The following NMI variants were observed in gnomAD, a reference collection of about 807,000 sequenced individuals.
The protein encoded by NMI is N-myc-interactor.
A neutral mutation model predicts 34.3 loss-of-function variants in NMI; 39 were observed. The ratio of observed to expected loss-of-function variants is 1.14; its 90% CI spans 0.88 to 1.49. NMI has a LOEUF of 1.49. NMI is among the 40% of genes most tolerant of loss of function. NMI has a pLI of 0.00. For synonymous variants in NMI, 113 were observed against 120.3 expected (o/e 0.94, Z 0.40); for missense variants, 339 against 358.1 (o/e 0.95, Z 0.43).
intron 1 of NMI, among the ~76,000 whole-genome samples, chr2:151,284,815 G>A (rs1683466911): frequency 1.3e-5 from 2 of 152,026 alleles, no homozygotes; most frequent in African/African-American, 2.4e-5. Flanking sequence ...ATTTCAAGTG[G>A]CTAAATTCTC....
Position 151,270,687 on chromosome 2 carries a change from T to C in NMI, c.*6A>G. 1.2e-6 allele frequency: 2 copies of C among 1,604,158 alleles called. No homozygotes were observed. The highest frequency in any genetic ancestry group is 1.7e-6 in the Non-Finnish European group (2 of 1,174,026). ...AAAAGCTATAGTTTTCATGATTCTG[T>C]TAAGTCTATTCTTCAAAGTATGCTA... On this transcript the variant is annotated 3_prime_UTR_variant, in exon 8 of 8. Transcript: ENST00000243346.
intron 4 of NMI, chr2:151,277,661 C>T (rs918968522): frequency 1.3e-5 from 2 of 152,180 alleles, no homozygotes; most frequent in African/African-American, 2.4e-5. Context: ...CCTCTTCTAC[C>T]TGTAGCAGTA....
chr2:151,285,520 A>C (rs936379679), intron 1 of NMI, among the ~76,000 whole-genome samples: 3 of 151,306 alleles, frequency 2.0e-5, no homozygotes, highest in African/African-American at 7.3e-5. Flanking sequence ...GCCGGGAGGC[A>C]GAGGTTGCAG....
At chr2:151,274,480 TTTTG>T (rs1015454499) in intron 6 of NMI, among the ~76,000 whole-genome samples, 5 of 133,586 alleles carry the variant, frequency 3.7e-5, no homozygotes, top group East Asian at 2.1e-4. Flanking sequence ...AAATGTCTCT[TTTTG>T]TTTTTTTTTG....
intron 3 of NMI, among the ~76,000 whole-genome samples, chr2:151,280,513 A>T (rs1047214172): frequency 6.6e-6 from 1 of 152,240 alleles, no homozygotes; most frequent in African/African-American, 2.4e-5. Flanking sequence ...AATAATGCAG[A>T]AATACCCAGT....
chr2:151,279,138 T>C, intron 3 of NMI, 148 bp from the exon 4 acceptor site: 1 of 581,158 alleles, frequency 1.7e-6, no homozygotes, highest in South Asian at 2.3e-5. Flanking sequence ...TTTAACATTT[T>C]TAGTAATTGC....
chr2:151,286,653 G>C (rs1197174290), intron 1 of NMI, among the ~76,000 whole-genome samples: 4 of 152,122 alleles, frequency 2.6e-5, no homozygotes, highest in Admixed American at 2.6e-4. Context: ...TTTTAATTCT[G>C]AATTCATATC....
chr2:151,270,530 G>GA lies in NMI; in HGVS notation c.*162dup. On this transcript the variant is annotated 3_prime_UTR_variant, in exon 8 of 8. Transcript: ENST00000243346. ...TAGTTGAAAACATGCAGCACCATTT[G>GA]AAACAAAGAAGATTCAGAAACATGG... 1 of 623,734 alleles carries GA rather than the reference G, an allele frequency of 1.6e-6. No homozygotes were observed. The highest frequency in any genetic ancestry group is 3.2e-5 in the Admixed American group (1 of 31,518). The allele number at this position is 623,734 out of a possible 1,614,324, so 38.6% of individuals were successfully genotyped here. A position where few individuals can be genotyped will look rare whatever the true frequency, so the allele number is the denominator to read the frequency against.
chr2:151,270,666 G>A lies in NMI; in HGVS notation c.*27C>T, dbSNP rs1197593856. 6.4e-7 allele frequency: 1 copy of A among 1,554,242 alleles called. No homozygotes were observed. The highest frequency in any genetic ancestry group is 8.8e-7 in the Non-Finnish European group (1 of 1,142,192). On this transcript the variant is annotated 3_prime_UTR_variant, in exon 8 of 8. Coordinates refer to ENST00000243346, the MANE Select transcript of NMI (RefSeq NM_004688.3). ...CATTTACAGTAATCCGGGTTAAAAA[G>A]CTATAGTTTTCATGATTCTGTTAAG...
intron 3 of NMI, among the ~76,000 whole-genome samples, chr2:151,279,485 T>G (rs1683350106): frequency 6.6e-6 from 1 of 152,140 alleles, no homozygotes; most frequent in African/African-American, 2.4e-5. Flanking sequence ...ATTTATTTAT[T>G]TATTTATTTT....
intron 7 of NMI, 141 bp downstream of exon 7, chr2:151,271,485 C>A: frequency 3.1e-6 from 2 of 644,322 alleles, no homozygotes; most frequent in East Asian, 5.8e-5. Context: ...CATTTTGCAC[C>A]AAGCAAAAAT....
At chr2:151,288,130 G>A (rs970300888) in intron 1 of NMI, among the ~76,000 whole-genome samples, 2 of 152,220 alleles carry the variant, frequency 1.3e-5, no homozygotes, top group African/African-American at 4.8e-5. Context: ...CAAAACAATG[G>A]CTCCCTCAAA....
At chr2:151,276,185 T>G (rs1354925040) in intron 4 of NMI, among the ~76,000 whole-genome samples, 2 of 152,070 alleles carry the variant, frequency 1.3e-5, no homozygotes, top group Non-Finnish European at 2.9e-5. Flanking sequence ...CCAGAATAGC[T>G]ATGATTACAG....
Position 151,282,857 on chromosome 2 carries a change from T to C in NMI, c.81+11A>G. ...ATAATTTTTAATAATACCCAGTAAT[T>C]TCCTTTTTACCTTATTTTGTTCATC... is the stretch of plus-strand genomic sequence containing the variant. On this transcript the variant is annotated intron_variant, in intron 2 of 7. Transcript: ENST00000243346. 7.3e-7 allele frequency: 1 copy of C among 1,362,266 alleles called. No individual in the cohort carries two copies. Among genetic ancestry groups the C allele is most frequent in the Non-Finnish European group, 1.0e-6 (1 of 986,342 alleles). 84.4% of individuals were successfully genotyped at this position (1,362,266 alleles called of 1,614,324 possible).
chr2:151,286,035 G>A (rs11683487), intron 1 of NMI, among the ~76,000 whole-genome samples: 1 of 151,878 alleles, frequency 6.6e-6, no homozygotes. Context: ...GATGAAGAAA[G>A]GAATTTTTAG....
intron 1 of NMI, among the ~76,000 whole-genome samples, chr2:151,285,096 A>G (rs1683471072): frequency 6.6e-6 from 1 of 152,234 alleles, no homozygotes; most frequent in African/African-American, 2.4e-5. Context: ...AAAAAGCACT[A>G]AAACACATGC....
intron 4 of NMI, among the ~76,000 whole-genome samples, 197 bp from the exon 5 acceptor site, chr2:151,276,061 AG>A (rs746102240): frequency 2.0e-5 from 3 of 152,026 alleles, no homozygotes; most frequent in Non-Finnish European, 4.4e-5. Context: ...TTGGGGGGTC[AG>A]GGGGAAGGAG....
intron 3 of NMI, among the ~76,000 whole-genome samples, chr2:151,280,848 A>G (rs201823656): frequency 1.3e-5 from 2 of 148,542 alleles, no homozygotes; most frequent in African/African-American, 2.5e-5. Flanking sequence ...CAATGCTTTA[A>G]TTTTTTTTTT....
chr2:151,286,398 AC>A (rs1230662192), intron 1 of NMI, among the ~76,000 whole-genome samples: 1 of 152,190 alleles, frequency 6.6e-6, no homozygotes, highest in African/African-American at 2.4e-5. Context: ...AGACCTCACA[AC>A]TAAGTAGAAA....
Sources: gnomAD v4.1 joint callset for allele counts (sites outside exome capture counted in the v4.1 genomes callset) on GRCh38, gnomAD v4.1.1 for gene constraint, MANE v1.5 for transcripts, NCBI Gene and HGNC (gene_info 2026-07-23, HGNC 2026-07-21) for gene names.